Variants in NFATC1 observed in about 807,000 individuals in gnomAD.
The protein encoded by NFATC1 is nuclear factor of activated T-cells, cytoplasmic 1.
NFATC1 carries 22 observed loss-of-function variants against 76.0 expected under a neutral mutation model. The ratio of observed to expected loss-of-function variants is 0.29; its 90% CI spans 0.21 to 0.41. The LOEUF is 0.41. NFATC1 is among the 10% of genes least tolerant of loss of function. The pLI, the probability that NFATC1 is intolerant of heterozygous loss-of-function variation, is 1.00. For missense variants in NFATC1, 1,357 were observed against 1,337.7 expected (o/e 1.01, Z -0.23); for synonymous variants, 704 against 613.1 (o/e 1.15, Z -2.19).
intron 9 of NFATC1, among the ~76,000 whole-genome samples, chr18:79,519,182 G>A (rs1329344648): frequency 6.6e-6 from 1 of 152,220 alleles, no homozygotes; most frequent in Non-Finnish European, 1.5e-5. Context: ...GTTTGAACAA[G>A]GCAGCAGGAA....
chr18:79,466,086 G>T (rs2088478162), intron 7 of NFATC1, among the ~76,000 whole-genome samples: 1 of 152,200 alleles, frequency 6.6e-6, no homozygotes, highest in South Asian at 2.1e-4. Context: ...GTGGGGTGGG[G>T]AGCAGGGGTG....
intron 2 of NFATC1, among the ~76,000 whole-genome samples, chr18:79,431,884 G>A (rs1282294370): frequency 2.0e-5 from 3 of 152,156 alleles, no homozygotes; most frequent in Non-Finnish European, 4.4e-5. Context: ...TGTATTTTTA[G>A]TAGAGACAGG....
chr18:79,490,151 C>G (rs142874314), intron 9 of NFATC1, among the ~76,000 whole-genome samples: 1 of 152,140 alleles, frequency 6.6e-6, no homozygotes, highest in African/African-American at 2.4e-5. Flanking sequence ...GGCAGGCAGG[C>G]GGGGCGCATG....
intron 1 of NFATC1, among the ~76,000 whole-genome samples, chr18:79,398,580 C>T (rs568743264): frequency 1.4e-4 from 21 of 152,336 alleles, no homozygotes; most frequent in Middle Eastern, 3.4e-3. Context: ...AGCCGCCCCA[C>T]CGACCCCTTC....
intron 8 of NFATC1, among the ~76,000 whole-genome samples, chr18:79,481,269 G>A (rs1323396650): frequency 6.6e-6 from 1 of 152,254 alleles, no homozygotes; most frequent in Non-Finnish European, 1.5e-5. Flanking sequence ...AGCTGGGGGC[G>A]CCATGGCCTA....
At chr18:79,461,485 A>G (rs2088093075) in intron 7 of NFATC1, 119 bp downstream of exon 7, 3 of 639,426 alleles carry the variant, frequency 4.7e-6, no homozygotes, top group Admixed American at 5.7e-5. Flanking sequence ...GTTTCTTAGA[A>G]TGAAACAAAT....
At chr18:79,476,322 A>T (rs2089067121) in intron 8 of NFATC1, among the ~76,000 whole-genome samples, 1 of 152,270 alleles carries the variant, frequency 6.6e-6, no homozygotes, top group Non-Finnish European at 1.5e-5. Context: ...CTGGCTCCAC[A>T]GCTGCCTGGG....
chr18:79,466,110 G>GCC (rs2088480187), intron 7 of NFATC1, among the ~76,000 whole-genome samples: 1 of 152,208 alleles, frequency 6.6e-6, no homozygotes, highest in African/African-American at 2.4e-5. Context: ...GGAGGGCATG[G>GCC]CCCCTCTGCA....
chr18:79,488,446 G>GCCACACACTGGAGGC lies in NFATC1; in HGVS notation c.2782+1512_2782+1526dup, dbSNP rs574689598. Reference sequence around the variant, plus strand: ...TGCCTCCCCAGGGCTGTCCCTCAGAGCCACACACTGGAGGCCCGTGGCTGC... The same window carrying GCCACACACTGGAGGC: ...TGCCTCCCCAGGGCTGTCCCTCAGAGCCACACACTGGAGGCCCACACACTGGAGGCCCGTGGCTGC... On this transcript the variant is annotated intron_variant, in intron 9 of 9. Transcript: ENST00000427363. 6.0e-3 allele frequency among the ~76,000 whole-genome samples: 914 copies of GCCACACACTGGAGGC among 152,214 alleles called. 7 individuals are homozygous for GCCACACACTGGAGGC. The highest frequency in any genetic ancestry group is 0.027 in the Middle Eastern group (8 of 294).
At chr18:79,461,903 C>A (rs1201552672) in intron 7 of NFATC1, among the ~76,000 whole-genome samples, 2 of 152,210 alleles carry the variant, frequency 1.3e-5, no homozygotes, top group African/African-American at 4.8e-5. Context: ...TGATGGTGTC[C>A]CAAGCACAAG....
At chr18:79,493,209 G>A (rs998932577) in intron 9 of NFATC1, among the ~76,000 whole-genome samples, 1 of 152,242 alleles carries the variant, frequency 6.6e-6, no homozygotes, top group African/African-American at 2.4e-5. Context: ...GAGAAGGGCC[G>A]TGAGGAGGCT....
chr18:79,502,507 T>C (rs1438523612), intron 9 of NFATC1, among the ~76,000 whole-genome samples: 1 of 152,184 alleles, frequency 6.6e-6, no homozygotes, highest in Non-Finnish European at 1.5e-5. Flanking sequence ...ATTTTTATGC[T>C]TCAAAAGTAC....
rs1370591299 is a variant in NFATC1, at chr18:79,448,776, C to T, written c.1387-6C>T. ...GCTGAGCAGGTGTTTTCTGTTCTCT[C>T]GCCAGCTGCATGGCTACTTGGAGAA... On this transcript the variant is annotated splice_polypyrimidine_tract_variant and splice_region_variant and intron_variant, in intron 3 of 9. Coordinates refer to ENST00000427363, the MANE Select transcript of NFATC1 (RefSeq NM_001278669.2). 1.1e-5 allele frequency: 17 copies of T among 1,612,226 alleles called. No homozygotes were observed. The highest frequency in any genetic ancestry group is 1.6e-4 in the Middle Eastern group (1 of 6,064).
At position 79,398,614 on chromosome 18, in the gene NFATC1, C is replaced by A. The variant is rs186873284; in HGVS notation, c.127+2263C>A. 5.3e-3 allele frequency among the ~76,000 whole-genome samples: 814 copies of A among 152,326 alleles called. 6 individuals carry two copies. Among genetic ancestry groups the A allele is most frequent in the African/African-American group, 0.018 (766 of 41,572 alleles). On this transcript the variant is annotated intron_variant, in intron 1 of 9. Coordinates refer to ENST00000427363, the MANE Select transcript of NFATC1 (RefSeq NM_001278669.2). ...TCTCTGGGATGGAGACCAGTGCAGTCCTAGGACAGCAGCAGTGAGCCTCCA... is the reference window on the plus strand; with the variant it reads ...TCTCTGGGATGGAGACCAGTGCAGTACTAGGACAGCAGCAGTGAGCCTCCA...
In NFATC1 at chr18:79,527,673, C is replaced by G. The variant is rs928112023; in HGVS notation, c.*96C>G. On this transcript the variant is annotated 3_prime_UTR_variant, in exon 10 of 10. Coordinates refer to ENST00000427363, the MANE Select transcript of NFATC1 (RefSeq NM_001278669.2). ...AACTGAACTCACACCTGGTACCACT[C>G]AGAACCTCCAACTGACTGAATGCCA... is the stretch of plus-strand genomic sequence containing the variant. The G allele has an allele frequency of 1.8e-6, 2 of 1,088,608 alleles. No individual in the cohort carries two copies. Among genetic ancestry groups the G allele is most frequent in the Non-Finnish European group, 2.8e-6 (2 of 713,308 alleles). 67.4% of individuals were successfully genotyped at this position (1,088,608 alleles called of 1,614,324 possible).
At chr18:79,485,935 G>A (rs918806034) in intron 8 of NFATC1, among the ~76,000 whole-genome samples, 7 of 152,220 alleles carry the variant, frequency 4.6e-5, no homozygotes, top group South Asian at 2.1e-4. Context: ...TGAAACTTTC[G>A]CTTTGATTCC....
chr18:79,437,596 G>A (rs1307191783), intron 3 of NFATC1, among the ~76,000 whole-genome samples: 1 of 152,242 alleles, frequency 6.6e-6, no homozygotes, highest in Non-Finnish European at 1.5e-5. Context: ...ATGCGTGGCG[G>A]ATGTTTCCCT....
At position 79,410,743 on chromosome 18, in the gene NFATC1, G is replaced by A. The variant is rs1392448700; in HGVS notation, c.468G>A (p.Thr156=). The change falls in exon 2 of 10, where the codon ACG becomes ACA. Residue 156 remains threonine, a synonymous_variant. Coordinates refer to ENST00000427363, the MANE Select transcript of NFATC1 (RefSeq NM_001278669.2). This position sits in a 1 kb window ranked among gnomAD's most constrained non-coding sequence, Gnocchi z 6.7. The part of the protein sequence containing the change: ...PSSKRSPSTA[T]LSLPSLEAYR... ...CCAAACGGTCCCCCTCCACGGCCAC[G>A]CTGAGTCTGCCCAGCCTGGAGGCCT... 7.4e-6 allele frequency: 12 copies of A among 1,612,926 alleles called. No individual in the cohort carries two copies. Among genetic ancestry groups the A allele is most frequent in the African/African-American group, 4.0e-5 (3 of 75,008 alleles).
chr18:79,434,343 C>T (rs1228079041), intron 3 of NFATC1, among the ~76,000 whole-genome samples: 1 of 152,230 alleles, frequency 6.6e-6, no homozygotes, highest in African/African-American at 2.4e-5. Flanking sequence ...TCACCTTCCT[C>T]ACACCTTGCG....
Sources: allele counts gnomAD v4.1 joint callset (sites outside exome capture counted in the v4.1 genomes callset), GRCh38; gene constraint gnomAD v4.1.1; non-coding constraint Gnocchi (gnomAD v3.1); transcripts MANE v1.5; gene names NCBI Gene and HGNC (gene_info 2026-07-23, HGNC 2026-07-21).